SPMIP2: variants seen among roughly 807,000 people sequenced by gnomAD.
The protein encoded by SPMIP2 is sperm microtubule inner protein 2, also known as protein SPMIP2.
chr4:158,926,256 G>GTT, the SPMIP2 span, among the ~76,000 whole-genome samples: 2 of 146,244 alleles, frequency 1.4e-5, no homozygotes, highest in Admixed American at 1.4e-4. Context: ...TCACTTTCCA[G>GTT]TTTTTTTTTT....
the SPMIP2 span, among the ~76,000 whole-genome samples, chr4:159,004,338 T>C: frequency 8.9e-6 from 1 of 112,156 alleles, no homozygotes; most frequent in African/African-American, 3.4e-5. Context: ...TTGCCCAGGC[T>C]GGAGTGCAGT....
the SPMIP2 span, chr4:158,915,467 T>C: frequency 9.9e-7 from 1 of 1,006,032 alleles, no homozygotes; most frequent in Non-Finnish European, 1.4e-6. Context: ...AAGGTGATTC[T>C]AGCCATGTGG....
chr4:159,039,373 G>C, the SPMIP2 span, among the ~76,000 whole-genome samples: 2 of 152,204 alleles, frequency 1.3e-5, no homozygotes, highest in Non-Finnish European at 2.9e-5. Context: ...TGGCCCAGGG[G>C]AGTGGAGATG....
At chr4:158,930,191 G>C in the SPMIP2 span, among the ~76,000 whole-genome samples, 1 of 144,144 alleles carries the variant, frequency 6.9e-6, no homozygotes, top group African/African-American at 2.7e-5. Context: ...GAGGATCTCA[G>C]TCTCTCTCTC....
chr4:159,048,718 C>A, the SPMIP2 span, among the ~76,000 whole-genome samples: 1 of 146,490 alleles, frequency 6.8e-6, no homozygotes, highest in Non-Finnish European at 1.5e-5. Context: ...ATAATTTTTT[C>A]TCTCCCCTTC....
chr4:158,895,677 A>G, the SPMIP2 span: 8 of 936,188 alleles, frequency 8.5e-6, no homozygotes, highest in African/African-American at 1.6e-5. Context: ...ATGAATTAAG[A>G]AAATTCTGAC....
chr4:159,039,849 T>C, the SPMIP2 span, among the ~76,000 whole-genome samples: 1 of 152,242 alleles, frequency 6.6e-6, no homozygotes, highest in Non-Finnish European at 1.5e-5. Flanking sequence ...CAGTTACAAC[T>C]TGGAGGCCAA....
the SPMIP2 span, among the ~76,000 whole-genome samples, chr4:159,077,559 C>T: frequency 6.6e-6 from 1 of 152,166 alleles, no homozygotes; most frequent in Non-Finnish European, 1.5e-5. Context: ...ATAAATTACT[C>T]TCATTATTTA....
chr4:158,957,022 C>G, the SPMIP2 span, among the ~76,000 whole-genome samples: 1 of 150,646 alleles, frequency 6.6e-6, no homozygotes, highest in African/African-American at 2.5e-5. Flanking sequence ...ACCTCCACCT[C>G]CCGGGTTCAA....
the SPMIP2 span, among the ~76,000 whole-genome samples, chr4:159,056,350 C>G: frequency 7.9e-5 from 12 of 151,966 alleles, no homozygotes; most frequent in Admixed American, 7.9e-4. Flanking sequence ...AGGGGAAGTT[C>G]ACAGTCTTCC....
At chr4:159,007,617 T>G in the SPMIP2 span, 9 of 989,036 alleles carry the variant, frequency 9.1e-6, no homozygotes, top group Non-Finnish European at 1.2e-5. Context: ...TTCCAAGTAC[T>G]TCTCAGAACG....
At chr4:159,025,445 G>C in the SPMIP2 span, among the ~76,000 whole-genome samples, 558 of 152,266 alleles carry the variant, frequency 3.7e-3, 3 homozygotes, top group African/African-American at 0.012. Flanking sequence ...GATTACAGGA[G>C]TGAGCCAGCA....
chr4:158,955,371 A>G, the SPMIP2 span, among the ~76,000 whole-genome samples: 1 of 152,200 alleles, frequency 6.6e-6, no homozygotes, highest in Non-Finnish European at 1.5e-5. Flanking sequence ...TCAGTCTTTA[A>G]GATACAATTA....
chr4:159,033,166 A>G, the SPMIP2 span, among the ~76,000 whole-genome samples: 1 of 152,190 alleles, frequency 6.6e-6, no homozygotes, highest in Non-Finnish European at 1.5e-5. Flanking sequence ...AAGCCTTAAA[A>G]TGATATTGAT....
At chr4:159,023,579 A>G in the SPMIP2 span, among the ~76,000 whole-genome samples, 1 of 152,200 alleles carries the variant, frequency 6.6e-6, no homozygotes, top group East Asian at 1.9e-4. Context: ...ATAAAAGTAG[A>G]TGTTATGAAT....
At chr4:158,912,717 C>A in the SPMIP2 span, among the ~76,000 whole-genome samples, 1 of 152,188 alleles carries the variant, frequency 6.6e-6, no homozygotes, top group East Asian at 1.9e-4. Flanking sequence ...TTTATTGAAG[C>A]ATCCACACAA....
At chr4:158,967,375 A>G in the SPMIP2 span, among the ~76,000 whole-genome samples, 4 of 152,192 alleles carry the variant, frequency 2.6e-5, no homozygotes, top group Non-Finnish European at 5.9e-5. Flanking sequence ...ATCATAAGAC[A>G]TATAACTTTA....
At chr4:159,037,141 C>T in the SPMIP2 span, among the ~76,000 whole-genome samples, 1 of 152,160 alleles carries the variant, frequency 6.6e-6, no homozygotes, top group African/African-American at 2.4e-5. Context: ...GAAATGCGGG[C>T]TTCTGCTTTG....
the SPMIP2 span, among the ~76,000 whole-genome samples, chr4:158,938,792 A>G: frequency 6.6e-6 from 1 of 152,172 alleles, no homozygotes; most frequent in African/African-American, 2.4e-5. Flanking sequence ...GTGTTTATTG[A>G]TTTTCATTCA....
Sources: allele counts gnomAD v4.1 joint callset (sites outside exome capture counted in the v4.1 genomes callset), GRCh38; gene constraint gnomAD v4.1.1; transcripts MANE v1.5; gene names NCBI Gene and HGNC (gene_info 2026-07-23, HGNC 2026-07-21).